CAMK2D: variants seen among roughly 807,000 people sequenced by gnomAD.
The protein encoded by CAMK2D is calcium/calmodulin-dependent protein kinase type II subunit delta.
CAMK2D carries 37 observed loss-of-function variants against 84.0 expected under a neutral mutation model. The observed-to-expected ratio is 0.44, with a 90% confidence interval of 0.34 to 0.58. The LOEUF (loss-of-function observed/expected upper bound fraction) is 0.58, where lower values mean the gene tolerates loss of function less well. CAMK2D is among the 20% of genes least tolerant of loss of function. CAMK2D has a pLI of 0.02. For missense variants in CAMK2D, 448 were observed against 652.5 expected (o/e 0.69, Z 3.41); for synonymous variants, 202 against 212.5 (o/e 0.95, Z 0.43).
chr4:113,577,886 A>G (rs1312807922), intron 4 of CAMK2D, among the ~76,000 whole-genome samples: 2 of 152,052 alleles, frequency 1.3e-5, no homozygotes, highest in Non-Finnish European at 2.9e-5. Context: ...GAAAGAGTGC[A>G]CCTGATTTAA....
At chr4:113,658,529 A>C (rs190033179) in intron 3 of CAMK2D, among the ~76,000 whole-genome samples, 23 of 152,254 alleles carry the variant, frequency 1.5e-4, no homozygotes, top group Non-Finnish European at 2.9e-5. Context: ...CAACTATTTA[A>C]AACTGGAATA....
At chr4:113,515,284 T>G in intron 9 of CAMK2D, 93 bp from the exon 10 acceptor site, 1 of 775,670 alleles carries the variant, frequency 1.3e-6, no homozygotes, top group Non-Finnish European at 2.0e-6. Flanking sequence ...CCTCAAGTAG[T>G]GAATTTCTTC....
chr4:113,499,813 A>G (rs1301907740), intron 16 of CAMK2D, among the ~76,000 whole-genome samples: 1 of 152,220 alleles, frequency 6.6e-6, no homozygotes, highest in African/African-American at 2.4e-5. Context: ...TACTTCTAAA[A>G]CAGTGATGTG....
chr4:113,639,586 G>A (rs2099124074), intron 3 of CAMK2D, among the ~76,000 whole-genome samples: 1 of 152,040 alleles, frequency 6.6e-6, no homozygotes, highest in South Asian at 2.1e-4. Flanking sequence ...ATACCAATTA[G>A]GGGCATCAGG....
Position 113,667,514 on chromosome 4 carries a change from T to C in CAMK2D, c.161-5742A>G, listed in dbSNP as rs967932841. ...GCCTTCTTCCTGGAGGTTTTGGAAT[T>C]ACACAGTGAATGCATTTTTCTTGTT... On this transcript the variant is annotated intron_variant, in intron 2 of 20. Coordinates refer to ENST00000511664, the MANE Select transcript of CAMK2D (RefSeq NM_001321571.2). 2.0e-5 allele frequency among the ~76,000 whole-genome samples: 3 copies of C among 152,218 alleles called. No homozygotes were observed. The East Asian group carries it at 5.8e-4, about 29-fold the overall frequency.
intron 2 of CAMK2D, among the ~76,000 whole-genome samples, chr4:113,706,567 G>T (rs939872998): frequency 6.6e-6 from 1 of 152,146 alleles, no homozygotes; most frequent in Non-Finnish European, 1.5e-5. Context: ...AGGAAATGTG[G>T]CTCACTATTT....
chr4:113,492,769 G>T (rs2097862053), intron 16 of CAMK2D, among the ~76,000 whole-genome samples: 2 of 145,840 alleles, frequency 1.4e-5, no homozygotes, highest in South Asian at 4.4e-4. Flanking sequence ...ATTAATGTGT[G>T]GGAGTCTAAG....
rs558888753 is a variant in CAMK2D, at chr4:113,751,239, C to T, written c.160+8081G>A. On this transcript the variant is annotated intron_variant, in intron 2 of 20. Coordinates refer to ENST00000511664, the MANE Select transcript of CAMK2D (RefSeq NM_001321571.2). ...GGCTGTATTACTAACAAATAACCCT[C>T]AGCAGAAATTCAAATTATCCAGAAC... Among the ~76,000 whole-genome samples, 10 of 152,242 alleles carry T rather than the reference C, an allele frequency of 6.6e-5. No homozygotes were observed. The South Asian group carries it at 2.1e-3, about 32-fold the overall frequency.
chr4:113,697,034 T>C (rs1220778301), intron 2 of CAMK2D, among the ~76,000 whole-genome samples: 1 of 151,776 alleles, frequency 6.6e-6, no homozygotes, highest in Non-Finnish European at 1.5e-5. Context: ...GTCCAAGGAG[T>C]CTTGATTTGG....
intron 2 of CAMK2D, among the ~76,000 whole-genome samples, chr4:113,758,160 A>T (rs1288969329): frequency 2.6e-5 from 4 of 152,150 alleles, no homozygotes; most frequent in Non-Finnish European, 1.5e-5. Flanking sequence ...AAGAGAACAT[A>T]ATTAACATAA....
intron 8 of CAMK2D, among the ~76,000 whole-genome samples, chr4:113,520,011 A>T (rs1050646209): frequency 5.3e-5 from 8 of 152,186 alleles, no homozygotes; most frequent in African/African-American, 1.7e-4. Flanking sequence ...AGAGACCTTG[A>T]CATACTAGCA....
Position 113,457,429 on chromosome 4 carries a change from T to G in CAMK2D, c.1441A>C (p.Met481Leu). ...YMDGSGMPKT[M>L]QSEETRVWHR... ...CACACACGAGTCTCTTCTGACTGCA[T>G]TGTCTTTGGCATTCCACTGCCATCC... Residue 481 changes from methionine (M) to leucine (L), a missense_variant, in exon 19 of 21, where the codon ATG (methionine) becomes CTG (leucine). Met to Leu is a conservative substitution (Grantham distance 15). This residue lies in a region of CAMK2D where 219 missense variants were observed against 272.1 expected (regional missense o/e 0.80). Coordinates refer to ENST00000511664, the MANE Select transcript of CAMK2D (RefSeq NM_001321571.2). 1 of 1,613,898 alleles carries G rather than the reference T, an allele frequency of 6.2e-7. No individual in the cohort carries two copies. The highest frequency in any genetic ancestry group is 1.3e-5 in the African/African-American group (1 of 75,024).
chr4:113,747,704 T>C (rs987029127), intron 2 of CAMK2D, among the ~76,000 whole-genome samples: 7 of 152,270 alleles, frequency 4.6e-5, no homozygotes, highest in Admixed American at 3.3e-4. Context: ...CAAGGCTCAC[T>C]AAAACAAAAT....
At chr4:113,670,145 G>C (rs1417578788) in intron 2 of CAMK2D, among the ~76,000 whole-genome samples, 1 of 152,108 alleles carries the variant, frequency 6.6e-6, no homozygotes, top group Non-Finnish European at 1.5e-5. Flanking sequence ...AGCTGGGCAT[G>C]GTAGCGTGGG....
chr4:113,649,861 C>G (rs902392857), intron 3 of CAMK2D, among the ~76,000 whole-genome samples: 1 of 152,126 alleles, frequency 6.6e-6, no homozygotes, highest in African/African-American at 2.4e-5. Context: ...GTGGGCAGAT[C>G]ACCTGAGATC....
intron 4 of CAMK2D, among the ~76,000 whole-genome samples, chr4:113,582,945 A>G (rs555894575): frequency 7.5e-4 from 114 of 152,328 alleles, no homozygotes; most frequent in East Asian, 3.9e-4. Context: ...CACACACCAA[A>G]TCGGAAGATA....
intron 3 of CAMK2D, among the ~76,000 whole-genome samples, chr4:113,622,573 C>CGG (rs2099050718): frequency 6.6e-6 from 1 of 152,136 alleles, no homozygotes; most frequent in Admixed American, 6.6e-5. Context: ...GAGACCAGCC[C>CGG]GGGCCACAAA....
At chr4:113,749,311 G>A (rs115804793) in intron 2 of CAMK2D, among the ~76,000 whole-genome samples, 196 of 143,384 alleles carry the variant, frequency 1.4e-3, no homozygotes, top group African/African-American at 4.8e-3. Flanking sequence ...TTTCCTTGAG[G>A]AGAGAACACA....
chr4:113,510,686 T>TTAAG (rs1271118011), intron 12 of CAMK2D, among the ~76,000 whole-genome samples: 2 of 152,114 alleles, frequency 1.3e-5, no homozygotes, highest in Non-Finnish European at 2.9e-5. Context: ...ATATACTTAT[T>TTAAG]TAAGTATATC....
Sources: gnomAD v4.1 joint callset for allele counts (sites outside exome capture counted in the v4.1 genomes callset) on GRCh38, gnomAD v4.1.1 for gene constraint, gnomAD v4.1.1 regional missense constraint, MANE v1.5 for transcripts, NCBI Gene and HGNC (gene_info 2026-07-23, HGNC 2026-07-21) for gene names.